Variants in EYA3 observed in about 807,000 individuals in gnomAD.
The protein encoded by EYA3 is EYA transcriptional coactivator and phosphatase 3, also known as protein phosphatase EYA3.
Under a neutral mutation model 80.0 loss-of-function variants are expected in EYA3, and 39 were observed. The ratio of observed to expected loss-of-function variants is 0.49; its 90% CI spans 0.38 to 0.64. The LOEUF (loss-of-function observed/expected upper bound fraction) is 0.64. EYA3 is among the 30% of genes least tolerant of loss of function. EYA3 has a pLI of 0.00. For synonymous variants in EYA3, 206 were observed against 232.8 expected (o/e 0.88, Z 1.05); for missense variants, 523 against 676.1 (o/e 0.77, Z 2.51).
At chr1:28,081,975 T>A (rs2148957152) in intron 1 of EYA3, among the ~76,000 whole-genome samples, 1 of 152,246 alleles carries the variant, frequency 6.6e-6, no homozygotes, top group Admixed American at 6.5e-5. Flanking sequence ...AAAAGGGAAT[T>A]GCTTTGAATC....
intron 16 of EYA3, among the ~76,000 whole-genome samples, chr1:27,981,655 T>C (rs1639309447): frequency 6.6e-6 from 1 of 151,004 alleles, no homozygotes; most frequent in African/African-American, 2.4e-5. Flanking sequence ...TGTGCATCTA[T>C]AATCCCAAGC....
chr1:28,042,551 G>T lies in EYA3; in HGVS notation c.157+20C>A, dbSNP rs766118506. ...GTTATAGGAATATCTGTTCAATCAT[G>T]CACAGAATATGGTACTTACTTTCCT... On this transcript the variant is annotated intron_variant, in intron 4 of 17. Coordinates refer to ENST00000373871, the MANE Select transcript of EYA3 (RefSeq NM_001990.4). 1 of 1,603,018 alleles carries T rather than the reference G, an allele frequency of 6.2e-7. No homozygotes were observed. Among genetic ancestry groups the T allele is most frequent in the Non-Finnish European group, 8.5e-7 (1 of 1,170,100 alleles).
intron 7 of EYA3, among the ~76,000 whole-genome samples, chr1:28,026,751 A>T (rs919808760): frequency 6.8e-6 from 1 of 147,398 alleles, no homozygotes; most frequent in African/African-American, 2.4e-5. Context: ...GGGGGAGAGG[A>T]CAAGGGGAGA....
rs1308792324 is a variant in EYA3, at chr1:27,972,716, A to C, written c.*1750T>G. ...GGCTGAACTTCCTCAGCTCTAGGGAATTTTATCCTGCCTGAGTAGATGCCC... is the reference window on the plus strand; with the variant it reads ...GGCTGAACTTCCTCAGCTCTAGGGACTTTTATCCTGCCTGAGTAGATGCCC... On this transcript the variant is annotated 3_prime_UTR_variant, in exon 18 of 18. Coordinates refer to ENST00000373871, the MANE Select transcript of EYA3 (RefSeq NM_001990.4). 6.6e-6 allele frequency: 1 copy of C among 152,212 alleles called. No homozygotes were observed. The highest frequency in any genetic ancestry group is 1.5e-5 in the Non-Finnish European group (1 of 68,048). 9.4% of individuals were successfully genotyped at this position (152,212 alleles called of 1,614,324 possible). A position where few individuals can be genotyped will look rare whatever the true frequency, so the allele number is the denominator to read the frequency against.
chr1:27,977,855 G>GAAAAAAAAA (rs1334469197), intron 17 of EYA3, among the ~76,000 whole-genome samples: 12 of 65,448 alleles, frequency 1.8e-4, no homozygotes, highest in Non-Finnish European at 2.4e-4. Flanking sequence ...CTCAAAAACA[G>GAAAAAAAAA]AAAAAAAAAG....
At chr1:28,067,763 AAAGAATTTGC>A (rs1644884032) in intron 1 of EYA3, among the ~76,000 whole-genome samples, 1 of 152,226 alleles carries the variant, frequency 6.6e-6, no homozygotes, top group African/African-American at 2.4e-5. Context: ...TCCAATAGTT[AAAGAATTTGC>A]TATTGGAAGA....
chr1:28,062,644 T>G (rs1644670968), intron 1 of EYA3, among the ~76,000 whole-genome samples: 1 of 129,692 alleles, frequency 7.7e-6, no homozygotes, highest in Non-Finnish European at 1.8e-5. Flanking sequence ...GGAAGAGAAA[T>G]TAAATATATG....
chr1:27,995,508 G>A (rs1640389952), intron 13 of EYA3, among the ~76,000 whole-genome samples: 1 of 151,674 alleles, frequency 6.6e-6, no homozygotes, highest in Non-Finnish European at 1.5e-5. Context: ...GGGCTGAGGT[G>A]GGTAGATTGC....
intron 14 of EYA3, among the ~76,000 whole-genome samples, 155 bp from the exon 15 acceptor site, chr1:27,989,966 C>G (rs1639933746): frequency 6.6e-6 from 1 of 151,536 alleles, no homozygotes; most frequent in Non-Finnish European, 1.5e-5. Flanking sequence ...GTATTTTTTT[C>G]CCATGAACAC....
intron 1 of EYA3, among the ~76,000 whole-genome samples, chr1:28,073,648 C>T (rs1299205006): frequency 6.6e-6 from 1 of 152,008 alleles, no homozygotes; most frequent in Non-Finnish European, 1.5e-5. Flanking sequence ...GTTGACCAGG[C>T]TGGGCTTGAA....
intron 9 of EYA3, among the ~76,000 whole-genome samples, chr1:28,012,717 G>C (rs993083416): frequency 3.3e-5 from 5 of 152,236 alleles, no homozygotes; most frequent in African/African-American, 1.2e-4. Context: ...GAATCTTAAA[G>C]GGATCCTGGA....
intron 4 of EYA3, among the ~76,000 whole-genome samples, chr1:28,040,911 T>G (rs1368735883): frequency 2.0e-5 from 3 of 152,170 alleles, no homozygotes; most frequent in Non-Finnish European, 4.4e-5. Flanking sequence ...GTTTCTTTAC[T>G]GACAGGAAGG....
At chr1:28,053,686 T>C (rs1644349594) in intron 2 of EYA3, among the ~76,000 whole-genome samples, 1 of 152,172 alleles carries the variant, frequency 6.6e-6, no homozygotes. Context: ...ACTGTTAACA[T>C]AATATGTAAA....
chr1:28,036,773 T>C (rs183294921), intron 5 of EYA3, among the ~76,000 whole-genome samples: 34 of 152,288 alleles, frequency 2.2e-4, no homozygotes, highest in African/African-American at 8.2e-4. Context: ...TTACACTGTA[T>C]ATATAAGTAA....
At chr1:27,985,481 T>A (rs994413875) in intron 16 of EYA3, among the ~76,000 whole-genome samples, 2 of 152,096 alleles carry the variant, frequency 1.3e-5, no homozygotes, top group African/African-American at 4.8e-5. Context: ...GCCTCACAGG[T>A]CAATCTTCCT....
At chr1:28,023,606 T>C (rs1335050141) in intron 7 of EYA3, among the ~76,000 whole-genome samples, 2 of 152,116 alleles carry the variant, frequency 1.3e-5, no homozygotes, top group Non-Finnish European at 1.5e-5. Context: ...AAAATATACC[T>C]GGACCAGTAC....
intron 8 of EYA3, among the ~76,000 whole-genome samples, chr1:28,016,211 C>T (rs1243073440): frequency 1.3e-5 from 2 of 152,092 alleles, no homozygotes; most frequent in African/African-American, 4.8e-5. Context: ...CAGGTGGGAA[C>T]TCAATAAATA....
intron 7 of EYA3, among the ~76,000 whole-genome samples, chr1:28,026,633 C>A (rs955237727): frequency 9.9e-5 from 15 of 151,904 alleles, no homozygotes; most frequent in Non-Finnish European, 1.3e-4. Context: ...AAACAAAAAA[C>A]CATAGAGAAA....
intron 17 of EYA3, among the ~76,000 whole-genome samples, chr1:27,975,750 T>C (rs961042742): frequency 6.6e-6 from 1 of 151,934 alleles, no homozygotes; most frequent in African/African-American, 2.4e-5. Context: ...TCCCAAAGTG[T>C]TGGGATTACA....
Sources: gnomAD v4.1 joint callset for allele counts (sites outside exome capture counted in the v4.1 genomes callset) on GRCh38, gnomAD v4.1.1 for gene constraint, MANE v1.5 for transcripts, NCBI Gene and HGNC (gene_info 2026-07-23, HGNC 2026-07-21) for gene names.